Variants in ELAPOR2 observed in about 807,000 individuals in gnomAD.
ELAPOR2 encodes the protein endosome-lysosome associated apoptosis and autophagy regulator family member 2.
Under a neutral mutation model 120.7 loss-of-function variants are expected in ELAPOR2, and 89 were observed. The ratio of observed to expected loss-of-function variants is 0.74; its 90% confidence interval spans 0.62 to 0.88. The LOEUF is 0.88. Among genes scored for constraint, ELAPOR2 ranks in the 40% least tolerant of loss-of-function variants. The pLI is 0.00. For missense variants in ELAPOR2, 1,134 were observed against 1,251.6 expected (o/e 0.91, Z 1.42); for synonymous variants, 444 against 444.9 (o/e 1.00, Z 0.03).
Position 86,893,028 on chromosome 7 carries a change from T to C in ELAPOR2, c.2758A>G (p.Thr920Ala). The C allele has an allele frequency of 6.3e-7, 1 of 1,587,406 alleles. No individual in the cohort carries two copies. The highest frequency in any genetic ancestry group is 1.2e-5 in the South Asian group (1 of 86,228). ...GISLPEKKLA[T>A]CETVDFWLKV... ...AGCCAAAAGTCAACCGTTTCACAGG[T>C]TGCCAACTTTTTCTCAGGCAAAGAA... is the stretch of plus-strand genomic sequence containing the variant. The change falls in exon 20 of 22, where the codon ACC (threonine) becomes GCC (alanine). Residue 920 changes from threonine to alanine, a missense_variant. This residue lies in a region of ELAPOR2 where 831 missense variants were observed against 867.6 expected (regional missense o/e 0.96). Transcript: ENST00000450689.
chr7:86,957,765 G>A (rs1271508541), intron 2 of ELAPOR2, among the ~76,000 whole-genome samples: 2 of 152,156 alleles, frequency 1.3e-5, no homozygotes, highest in African/African-American at 4.8e-5. Context: ...GTGGAGGCAG[G>A]AGGATCACTT....
chr7:87,025,562 A>C (rs1794215864), intron 1 of ELAPOR2, among the ~76,000 whole-genome samples: 1 of 152,058 alleles, frequency 6.6e-6, no homozygotes, highest in African/African-American at 2.4e-5. Flanking sequence ...GCCAATGCTT[A>C]TCCCACCACA....
At chr7:86,962,949 C>G (rs1456412116) in intron 2 of ELAPOR2, among the ~76,000 whole-genome samples, 1 of 152,172 alleles carries the variant, frequency 6.6e-6, no homozygotes, top group Non-Finnish European at 1.5e-5. Flanking sequence ...TATTAACTTA[C>G]TTGTGAGTTT....
At position 86,928,590 on chromosome 7, in the gene ELAPOR2, A is replaced by G. The variant is rs554908748; in HGVS notation, c.1090-1674T>C. Among the ~76,000 whole-genome samples, 92 of 152,052 alleles carry G rather than the reference A, an allele frequency of 6.1e-4. 1 individual carries two copies. The highest frequency in any genetic ancestry group is 8.5e-4 in the Non-Finnish European group (58 of 67,904). On this transcript the variant is annotated intron_variant, in intron 8 of 21. Transcript: ENST00000450689. ...GCTATCCTCAAGTTTATAAATGAGG[A>G]AACACTCCAGATTAGAGCTCTTAAT...
At chr7:86,932,377 C>T (rs537747030) in intron 8 of ELAPOR2, among the ~76,000 whole-genome samples, 22 of 151,962 alleles carry the variant, frequency 1.4e-4, no homozygotes, top group African/African-American at 5.3e-4. Context: ...TGAGTCAGGG[C>T]TCCCATCCAA....
At chr7:87,059,246 TA>T in intron 1 of ELAPOR2, 78 bp downstream of exon 1, 1 of 1,238,174 alleles carries the variant, frequency 8.1e-7, no homozygotes, top group Non-Finnish European at 1.0e-6. Context: ...CAAACAGAAA[TA>T]AACAGGAACC....
intron 1 of ELAPOR2, among the ~76,000 whole-genome samples, chr7:87,035,039 T>C (rs1206552552): frequency 6.9e-6 from 1 of 144,128 alleles, no homozygotes; most frequent in Non-Finnish European, 1.5e-5. Context: ...TGAGCCAAGA[T>C]AGCACCACTA....
At chr7:86,901,678 T>C (rs1168113450) in intron 18 of ELAPOR2, among the ~76,000 whole-genome samples, 1 of 152,138 alleles carries the variant, frequency 6.6e-6, no homozygotes, top group Non-Finnish European at 1.5e-5. Flanking sequence ...ACCTAGAAAA[T>C]TTGTCAGTTG....
intron 18 of ELAPOR2, among the ~76,000 whole-genome samples, chr7:86,903,251 G>T (rs1374836372): frequency 6.6e-6 from 1 of 152,040 alleles, no homozygotes; most frequent in African/African-American, 2.4e-5. Flanking sequence ...TATAATTTTA[G>T]CAATTCTGTT....
At chr7:87,000,678 G>T (rs1002455416) in intron 1 of ELAPOR2, among the ~76,000 whole-genome samples, 1 of 152,154 alleles carries the variant, frequency 6.6e-6, no homozygotes, top group South Asian at 2.1e-4. Context: ...GCTTCAGTTT[G>T]TTAAATACAA....
intron 18 of ELAPOR2, among the ~76,000 whole-genome samples, chr7:86,897,839 T>C (rs1788517043): frequency 6.6e-6 from 1 of 152,092 alleles, no homozygotes; most frequent in African/African-American, 2.4e-5. Flanking sequence ...AAAAAGATAA[T>C]AACAAGTGTT....
chr7:86,906,325 C>T (rs1380410092), intron 18 of ELAPOR2, among the ~76,000 whole-genome samples: 3 of 152,018 alleles, frequency 2.0e-5, no homozygotes, highest in Non-Finnish European at 4.4e-5. Context: ...CACAGGATGC[C>T]CTTTTATTAT....
At chr7:87,041,811 A>G (rs1049574667) in intron 1 of ELAPOR2, among the ~76,000 whole-genome samples, 2 of 151,910 alleles carry the variant, frequency 1.3e-5, no homozygotes, top group Non-Finnish European at 2.9e-5. Context: ...AAAGACACAG[A>G]CTGGCAAACT....
intron 2 of ELAPOR2, among the ~76,000 whole-genome samples, chr7:86,958,350 A>AC (rs1293592595): frequency 6.6e-6 from 1 of 152,216 alleles, no homozygotes; most frequent in Non-Finnish European, 1.5e-5. Context: ...TTACAATTAT[A>AC]CCTGGCATAT....
intron 1 of ELAPOR2, among the ~76,000 whole-genome samples, chr7:87,031,502 A>C (rs1179691907): frequency 6.6e-6 from 1 of 152,208 alleles, no homozygotes; most frequent in Admixed American, 6.5e-5. Context: ...AAATATTAAT[A>C]GTTCTAACAG....
intron 18 of ELAPOR2, among the ~76,000 whole-genome samples, chr7:86,899,045 T>C (rs1206699056): frequency 6.6e-6 from 1 of 152,150 alleles, no homozygotes; most frequent in Non-Finnish European, 1.5e-5. Context: ...GGTGGTTACC[T>C]TCACTACTCT....
At chr7:87,013,543 A>G (rs752621299) in intron 1 of ELAPOR2, among the ~76,000 whole-genome samples, 5 of 152,162 alleles carry the variant, frequency 3.3e-5, no homozygotes, top group Non-Finnish European at 7.3e-5. Flanking sequence ...TGCCACATTG[A>G]GAAGTACCAG....
intron 8 of ELAPOR2, among the ~76,000 whole-genome samples, chr7:86,934,649 T>A (rs1033487928): frequency 6.6e-6 from 1 of 152,040 alleles, no homozygotes; most frequent in African/African-American, 2.4e-5. Context: ...AAGCCCACTC[T>A]ATGATCTCCC....
chr7:87,033,212 G>T (rs796448773), intron 1 of ELAPOR2, among the ~76,000 whole-genome samples: 51 of 152,260 alleles, frequency 3.3e-4, no homozygotes, highest in Middle Eastern at 3.4e-3. Flanking sequence ...GTCATCTTTT[G>T]TAAGTTATTA....
Sources: gnomAD v4.1 joint callset for allele counts (sites outside exome capture counted in the v4.1 genomes callset) on GRCh38, gnomAD v4.1.1 for gene constraint, gnomAD v4.1.1 regional missense constraint, MANE v1.5 for transcripts, NCBI Gene and HGNC (gene_info 2026-07-23, HGNC 2026-07-21) for gene names.